The following ADAMTS2 variants were observed in gnomAD, a reference collection of about 807,000 sequenced individuals.
The protein encoded by ADAMTS2 is ADAM metallopeptidase with thrombospondin type 1 motif 2.
ADAMTS2 carries 50 observed loss-of-function variants against 123.0 expected under a neutral mutation model. The ratio of observed to expected loss-of-function variants is 0.41; its 90% confidence interval spans 0.32 to 0.51. The LOEUF is 0.51. Among genes scored for constraint, ADAMTS2 ranks in the 20% least tolerant of loss-of-function variants. ADAMTS2 has a pLI of 0.35. For missense variants in ADAMTS2, 1,494 were observed against 1,705.2 expected (o/e 0.88, Z 2.18); for synonymous variants, 678 against 695.4 (o/e 0.98, Z 0.39).
intron 3 of ADAMTS2, among the ~76,000 whole-genome samples, chr5:179,217,782 A>G (rs1176475732): frequency 3.4e-5 from 4 of 119,078 alleles, no homozygotes; most frequent in Admixed American, 1.7e-4. Flanking sequence ...CACACTCACT[A>G]GGGGATGGCG....
chr5:179,181,017 A>G lies in ADAMTS2; in HGVS notation c.975+55T>C. On this transcript the variant is annotated intron_variant, in intron 5 of 21. Transcript: ENST00000251582. The surrounding 1 kb of genome is among the most constrained non-coding windows in gnomAD (Gnocchi z 4.1). Reference sequence around the variant, plus strand: ...CCAAGGAGGCCCATGCCTCACTCCCAGGCCCCTCACTCCGAGGGGGTGGAG... The same window carrying G: ...CCAAGGAGGCCCATGCCTCACTCCCGGGCCCCTCACTCCGAGGGGGTGGAG... The G allele has an allele frequency of 7.2e-7, 1 of 1,392,644 alleles. No individual in the cohort carries two copies. The highest frequency in any genetic ancestry group is 1.0e-6 in the Non-Finnish European group (1 of 979,704). The allele number at this position is 1,392,644 out of a possible 1,614,324, so 86.3% of individuals were successfully genotyped here. A position where few individuals can be genotyped will look rare whatever the true frequency, so the allele number is the denominator to read the frequency against.
chr5:179,125,097 G>C lies in ADAMTS2; in HGVS notation c.2834C>G (p.Pro945Arg), dbSNP rs200309353. ...MQVRSVRCIQ[P>R]LHDNTTRSVH... ...GGAGCGGGTGGTGTTGTCGTGTAGC[G>C]GCTGAATGCAGCGCACGGAGCGCAC... Residue 945 changes from proline (P) to arginine (R), a missense_variant, in exon 19 of 22, where the codon CCG becomes CGG. Transcript: ENST00000251582. 8.1e-6 allele frequency: 13 copies of C among 1,612,818 alleles called. No individual in the cohort carries two copies. The South Asian group carries it at 1.3e-4, about 16-fold the overall frequency.
At chr5:179,258,052 C>A (rs1323844779) in intron 3 of ADAMTS2, among the ~76,000 whole-genome samples, 1 of 152,184 alleles carries the variant, frequency 6.6e-6, no homozygotes, top group African/African-American at 2.4e-5. Context: ...CTGTCCTCAG[C>A]GAACGCCTGA....
intron 3 of ADAMTS2, among the ~76,000 whole-genome samples, chr5:179,263,737 C>T (rs1227639862): frequency 2.6e-5 from 4 of 152,130 alleles, no homozygotes; most frequent in Non-Finnish European, 5.9e-5. Context: ...CACAGGCACA[C>T]GAAAGAAGGT....
chr5:179,253,563 T>C (rs562077495), intron 3 of ADAMTS2, among the ~76,000 whole-genome samples: 1 of 150,914 alleles, frequency 6.6e-6, no homozygotes, highest in Non-Finnish European at 1.5e-5. Flanking sequence ...GGAGAATCAC[T>C]GGAACCCGAG....
intron 2 of ADAMTS2, among the ~76,000 whole-genome samples, chr5:179,335,265 C>G (rs777509044): frequency 6.5e-4 from 99 of 152,042 alleles, no homozygotes; most frequent in Admixed American, 1.2e-3. Flanking sequence ...TTTATTTAAC[C>G]CAGTATGCCC....
At chr5:179,195,966 T>C (rs1477650805) in intron 4 of ADAMTS2, among the ~76,000 whole-genome samples, 1 of 152,208 alleles carries the variant, frequency 6.6e-6, no homozygotes, top group East Asian at 1.9e-4. Context: ...TCGTGAACTA[T>C]GACTTGGGGC....
At chr5:179,201,023 A>G (rs1764551094) in intron 4 of ADAMTS2, among the ~76,000 whole-genome samples, 1 of 152,246 alleles carries the variant, frequency 6.6e-6, no homozygotes, top group Non-Finnish European at 1.5e-5. Flanking sequence ...ATGCAGGCTC[A>G]TTAACATCAA....
At chr5:179,114,891 G>A (rs765336879) in intron 21 of ADAMTS2, among the ~76,000 whole-genome samples, 7 of 152,116 alleles carry the variant, frequency 4.6e-5, no homozygotes, top group Non-Finnish European at 7.4e-5. Context: ...CAGATGCCCC[G>A]GACGATCTTT....
At chr5:179,157,196 C>G (rs1482830996) in intron 6 of ADAMTS2, among the ~76,000 whole-genome samples, 1 of 152,074 alleles carries the variant, frequency 6.6e-6, no homozygotes, top group Non-Finnish European at 1.5e-5. Flanking sequence ...GTGATCCGCC[C>G]GCCTTGGCCT....
chr5:179,341,894 A>G (rs1311572706), intron 2 of ADAMTS2, among the ~76,000 whole-genome samples: 1 of 152,122 alleles, frequency 6.6e-6, no homozygotes, highest in Non-Finnish European at 1.5e-5. Flanking sequence ...GCCCAGGCCA[A>G]TCCACACCTG....
chr5:179,316,481 A>G (rs1431565795), intron 2 of ADAMTS2, among the ~76,000 whole-genome samples: 1 of 152,102 alleles, frequency 6.6e-6, no homozygotes, highest in Non-Finnish European at 1.5e-5. Context: ...TAGGCCCCCT[A>G]GGGCTCCCCA....
At chr5:179,199,331 C>CGGCATCTCAGGGCA (rs1455344798) in intron 4 of ADAMTS2, among the ~76,000 whole-genome samples, 3 of 152,218 alleles carry the variant, frequency 2.0e-5, no homozygotes, top group African/African-American at 7.2e-5. Flanking sequence ...GTATTCCCCA[C>CGGCATCTCAGGGCA]GGCATCTCAG....
chr5:179,300,464 T>C (rs903233403), intron 2 of ADAMTS2, among the ~76,000 whole-genome samples: 6 of 152,244 alleles, frequency 3.9e-5, no homozygotes, highest in African/African-American at 1.4e-4. Context: ...GTGAATAATG[T>C]TTAATTGTAA....
rs546836839 is a variant in ADAMTS2, at chr5:179,281,150, G to A, written c.535-8086C>T. 1.9e-4 allele frequency among the ~76,000 whole-genome samples: 29 copies of A among 152,302 alleles called. No homozygotes were observed. In the South Asian group the frequency reaches 3.5e-3, roughly 18 times the overall value. ...TGGGATTACAGGCATAAGCCATGGC[G>A]CCCGGCCAGTTCAATGCTTTTTAAT... On this transcript the variant is annotated intron_variant, in intron 2 of 21. Coordinates refer to ENST00000251582, the MANE Select transcript of ADAMTS2 (RefSeq NM_014244.5).
rs1561720950 is a variant in ADAMTS2, at chr5:179,308,599, G to A, written c.534+35168C>T. Among the ~76,000 whole-genome samples the A allele has an allele frequency of 6.6e-6, 1 of 151,972 alleles. No individual in the cohort carries two copies. ...AACTTTGGGAGGATCCTTTTTAATT[G>A]TATTTGCAAAACAGTTTCTCCCAAC... On this transcript the variant is annotated intron_variant, in intron 2 of 21. Coordinates refer to ENST00000251582, the MANE Select transcript of ADAMTS2 (RefSeq NM_014244.5). The surrounding 1 kb of genome is among the most constrained non-coding windows in gnomAD (Gnocchi z 6.6).
At position 179,188,636 on chromosome 5, in the gene ADAMTS2, G is replaced by C. The variant is rs1764227398; in HGVS notation, c.892-7481C>G. 6.6e-6 allele frequency among the ~76,000 whole-genome samples: 1 copy of C among 152,122 alleles called. No homozygotes were observed. On this transcript the variant is annotated intron_variant, in intron 4 of 21. Transcript: ENST00000251582. This position sits in a 1 kb window ranked among gnomAD's most constrained non-coding sequence, Gnocchi z 5.1. Reference sequence around the variant, plus strand: ...AAATGGCCAGGATCAGAATTACTAGGCTCAGTTCATACATCAAAAAGTGAG... The same window carrying C: ...AAATGGCCAGGATCAGAATTACTAGCCTCAGTTCATACATCAAAAAGTGAG...
At chr5:179,131,036 G>A (rs1159750411) in intron 15 of ADAMTS2, among the ~76,000 whole-genome samples, 2 of 152,120 alleles carry the variant, frequency 1.3e-5, no homozygotes, top group Non-Finnish European at 2.9e-5. Context: ...TAAGAGGCGA[G>A]GTGCAGTGGC....
At chr5:179,266,699 C>T (rs1766380767) in intron 3 of ADAMTS2, among the ~76,000 whole-genome samples, 1 of 152,232 alleles carries the variant, frequency 6.6e-6, no homozygotes, top group Non-Finnish European at 1.5e-5. Flanking sequence ...GGCAGAAAGG[C>T]TCTCTGACCT....
Sources: allele counts gnomAD v4.1 joint callset (sites outside exome capture counted in the v4.1 genomes callset), GRCh38; gene constraint gnomAD v4.1.1; non-coding constraint Gnocchi (gnomAD v3.1); transcripts MANE v1.5; gene names NCBI Gene and HGNC (gene_info 2026-07-23, HGNC 2026-07-21).